Variants in VAMP7 observed in about 807,000 individuals in gnomAD.
VAMP7 encodes the protein vesicle associated membrane protein 7.
Under a neutral mutation model 29.6 loss-of-function variants are expected in VAMP7, and 14 were observed. That is an observed-to-expected ratio of 0.47 (90% confidence interval 0.31 to 0.74). The LOEUF (loss-of-function observed/expected upper bound fraction) is 0.74. Ranked by LOEUF, VAMP7 falls within the 30% of genes least tolerant of loss-of-function variation. VAMP7 has a pLI of 0.05. For synonymous variants in VAMP7, 95 were observed against 88.1 expected, an observed-to-expected ratio of 1.08 and a Z score of -0.44; for missense variants, 223 against 262.4, an observed-to-expected ratio of 0.85 and a Z score of 1.04.
intron 6 of VAMP7, among the ~76,000 whole-genome samples, chrX:155,923,577 AT>A (rs1159462667): frequency 6.0e-5 from 9 of 150,096 alleles, no homozygotes; most frequent in Non-Finnish European, 1.2e-4. Context: ...CATAAAGTGT[AT>A]TTTTTTTTCT....
At chrX:155,930,046 G>A (rs779897820) in intron 6 of VAMP7, among the ~76,000 whole-genome samples, 1 of 152,304 alleles carries the variant, frequency 6.6e-6, no homozygotes, top group African/African-American at 2.4e-5. Context: ...ACCAAATGTA[G>A]AGCTTTTGTT....
intron 7 of VAMP7, among the ~76,000 whole-genome samples, chrX:155,940,607 A>G (rs760853924): frequency 1.3e-3 from 205 of 152,318 alleles, no homozygotes; most frequent in African/African-American, 4.7e-3. Flanking sequence ...AATTCAGAAT[A>G]TATTTACTGA....
intron 6 of VAMP7, among the ~76,000 whole-genome samples, chrX:155,925,493 GAC>G (rs2066454944): frequency 6.6e-6 from 1 of 152,214 alleles, no homozygotes; most frequent in African/African-American, 2.4e-5. Flanking sequence ...GCACACCCGT[GAC>G]ACAGCCTCAG....
At chrX:155,937,331 T>C (rs1279747316) in intron 6 of VAMP7, among the ~76,000 whole-genome samples, 3 of 152,178 alleles carry the variant, frequency 2.0e-5, no homozygotes, top group African/African-American at 7.2e-5. Flanking sequence ...AAGTTCTGGA[T>C]ACCGGACATA....
At chrX:155,921,259 C>G (rs774686449) in intron 6 of VAMP7, among the ~76,000 whole-genome samples, 7 of 152,058 alleles carry the variant, frequency 4.6e-5, no homozygotes, top group Non-Finnish European at 8.8e-5. Flanking sequence ...GAATAACATA[C>G]GTGCAGCAAA....
At chrX:155,913,779 TGTA>T (rs1435975439) in intron 5 of VAMP7, among the ~76,000 whole-genome samples, 3 of 152,168 alleles carry the variant, frequency 2.0e-5, no homozygotes, top group African/African-American at 4.8e-5. Context: ...ACTGTAGCCT[TGTA>T]GTATAATTTG....
chrX:155,900,682 TC>T, intron 5 of VAMP7, 95 bp downstream of exon 5: 1 of 1,003,318 alleles, frequency 1.0e-6, no homozygotes, highest in Non-Finnish European at 1.5e-6. Context: ...AAATAGCACT[TC>T]CTTATTCTTA....
chrX:155,930,817 C>T (rs936409382), intron 6 of VAMP7, among the ~76,000 whole-genome samples: 5 of 151,884 alleles, frequency 3.3e-5, no homozygotes, highest in African/African-American at 1.2e-4. Context: ...CCCATTAACT[C>T]ATCATTTACA....
chrX:155,942,465 G>A lies in VAMP7; in HGVS notation c.*514G>A, dbSNP rs1488337809. 3 of 310,322 alleles carry A rather than the reference G, an allele frequency of 9.7e-6. No homozygotes were observed. Among genetic ancestry groups the A allele is most frequent in the African/African-American group, 4.3e-5 (2 of 46,946 alleles). The allele number at this position is 310,322 out of a possible 1,614,324, so 19.2% of individuals were successfully genotyped here. A position where few individuals can be genotyped will look rare whatever the true frequency, so the allele number is the denominator to read the frequency against. ...ATGTTGGTGCTGCTTCCTTCTAAGA[G>A]CTCAGACAAGTAAAGTATGAAACAT... On this transcript the variant is annotated 3_prime_UTR_variant, in exon 8 of 8. Coordinates refer to ENST00000286448, the MANE Select transcript of VAMP7 (RefSeq NM_005638.6).
intron 1 of VAMP7, among the ~76,000 whole-genome samples, chrX:155,886,516 C>T (rs2065867468): frequency 6.6e-6 from 1 of 152,150 alleles, no homozygotes; most frequent in Non-Finnish European, 1.5e-5. Context: ...GAATAATGTG[C>T]TCCCTGTTCC....
intron 5 of VAMP7, among the ~76,000 whole-genome samples, chrX:155,903,887 T>C (rs757946497): frequency 4.6e-5 from 7 of 152,240 alleles, no homozygotes; most frequent in East Asian, 1.9e-4. Context: ...ATCATGCCGC[T>C]ATAAAGACAC....
intron 5 of VAMP7, among the ~76,000 whole-genome samples, chrX:155,904,310 A>T (rs1488129884): frequency 1.3e-5 from 2 of 151,840 alleles, no homozygotes; most frequent in Admixed American, 6.6e-5. Context: ...CATATGTAAC[A>T]AACCTGCACA....
chrX:155,906,830 A>G (rs2066154230), intron 5 of VAMP7, among the ~76,000 whole-genome samples: 1 of 152,178 alleles, frequency 6.6e-6, no homozygotes, highest in Non-Finnish European at 1.5e-5. Context: ...TGCCCTAGCT[A>G]GAACCTCCAG....
intron 5 of VAMP7, among the ~76,000 whole-genome samples, chrX:155,907,323 G>A (rs1342140519): frequency 2.0e-5 from 3 of 151,504 alleles, no homozygotes; most frequent in African/African-American, 4.8e-5. Flanking sequence ...TCTCACAGAC[G>A]GGGATTTGGC....
chrX:155,930,766 T>C (rs2066539608), intron 6 of VAMP7, among the ~76,000 whole-genome samples: 2 of 151,976 alleles, frequency 1.3e-5, no homozygotes, highest in African/African-American at 4.8e-5. Flanking sequence ...AACGTGCAGG[T>C]TTGTTACATA....
At chrX:155,937,102 GAAAA>G (rs913511934) in intron 6 of VAMP7, among the ~76,000 whole-genome samples, 6 of 150,598 alleles carry the variant, frequency 4.0e-5, no homozygotes, top group Admixed American at 1.3e-4. Flanking sequence ...TCACAGAATA[GAAAA>G]AAAAATTCTA....
At chrX:155,909,955 A>G (rs1488171613) in intron 5 of VAMP7, among the ~76,000 whole-genome samples, 2 of 152,146 alleles carry the variant, frequency 1.3e-5, no homozygotes, top group African/African-American at 2.4e-5. Context: ...GAACATTTCA[A>G]ATTCTCTCTT....
At position 155,939,738 on chromosome X, in the gene VAMP7, G is replaced by A. The variant is rs377088658; in HGVS notation, c.539G>A (p.Arg180Gln). 8 of 1,613,742 alleles carry A rather than the reference G, an allele frequency of 5.0e-6. No homozygotes were observed. Among genetic ancestry groups the A allele is most frequent in the African/African-American group, 1.3e-5 (1 of 74,910 alleles). ...AAAACTACCAGCAGAAATCTTGCTC[G>A]AGCCATGTGTATGAAGAACCTCAAG... ...TFKTTSRNLA[R>Q]AMCMKNLKLT... Residue 180 changes from arginine (R) to glutamine (Q), a missense_variant, in exon 7 of 8, where the codon CGA becomes CAA. By Grantham distance (43) the Arg-to-Gln change is conservative. Coordinates refer to ENST00000286448, the MANE Select transcript of VAMP7 (RefSeq NM_005638.6).
rs764438604 is a variant in VAMP7 at position 155,889,521 on chromosome X, G to C, written c.55G>C (p.Ala19Pro). 1.2e-6 allele frequency: 2 copies of C among 1,613,890 alleles called. No homozygotes were observed. The highest frequency in any genetic ancestry group is 1.7e-6 in the Non-Finnish European group (2 of 1,179,836). The change falls in exon 2 of 8, where the codon GCT becomes CCT. Residue 19 changes from alanine to proline, a missense_variant. Transcript: ENST00000286448. Reference sequence around the variant, plus strand: ...GGGGACCACTATCCTTGCCAAACATGCTTGGTGTGGAGGAAACTTCCTGGA... The same window carrying C: ...GGGGACCACTATCCTTGCCAAACATCCTTGGTGTGGAGGAAACTTCCTGGA... Reference protein sequence around the residue: ...ARGTTILAKHAWCGGNFLEVT... With the variant: ...ARGTTILAKHPWCGGNFLEVT...
Sources: allele counts gnomAD v4.1 joint callset (sites outside exome capture counted in the v4.1 genomes callset), GRCh38; gene constraint gnomAD v4.1.1; transcripts MANE v1.5; gene names NCBI Gene and HGNC (gene_info 2026-07-23, HGNC 2026-07-21).